Variants in SPMIP9 observed in about 807,000 individuals in gnomAD.
SPMIP9 encodes sperm microtubule inner protein 9, also known as protein SPMIP9.
chr2:88,527,860 A>G, the SPMIP9 span, among the ~76,000 whole-genome samples: 2 of 152,210 alleles, frequency 1.3e-5, no homozygotes, highest in East Asian at 1.9e-4. Context: ...CATTATGGCC[A>G]GCAGGAGACA....
the SPMIP9 span, among the ~76,000 whole-genome samples, chr2:88,527,723 A>G: frequency 1.3e-5 from 2 of 152,140 alleles, no homozygotes; most frequent in Non-Finnish European, 2.9e-5. Context: ...CCCACTCCCA[A>G]ATGCTGCATT....
the SPMIP9 span, among the ~76,000 whole-genome samples, chr2:88,526,974 A>G: frequency 1.3e-5 from 2 of 152,152 alleles, no homozygotes; most frequent in Admixed American, 6.6e-5. Flanking sequence ...CCATGTGTGT[A>G]TGTTTTCAAA....
chr2:88,525,102 C>T, the SPMIP9 span, among the ~76,000 whole-genome samples: 1 of 152,132 alleles, frequency 6.6e-6, no homozygotes, highest in African/African-American at 2.4e-5. Context: ...CCTGGGCCTT[C>T]CTCTATCCAG....
the SPMIP9 span, among the ~76,000 whole-genome samples, chr2:88,525,056 A>T: frequency 6.6e-6 from 1 of 151,926 alleles, no homozygotes; most frequent in South Asian, 2.1e-4. Flanking sequence ...CACCTTGGAT[A>T]CTCCCCTGTG....
chr2:88,525,655 T>C, the SPMIP9 span: 1 of 1,614,140 alleles, frequency 6.2e-7, no homozygotes, highest in Non-Finnish European at 8.5e-7. Context: ...ATGGCAGGTG[T>C]GAAATACCCG....
chr2:88,529,419 T>G, the SPMIP9 span: 1 of 1,614,022 alleles, frequency 6.2e-7, no homozygotes, highest in South Asian at 1.1e-5. Context: ...CATTGCCATA[T>G]AGTCAAGGTC....
At chr2:88,529,411 T>A in the SPMIP9 span, 3 of 1,614,084 alleles carry the variant, frequency 1.9e-6, no homozygotes, top group Non-Finnish European at 2.5e-6. Flanking sequence ...CCTGTCTTCA[T>A]TGCCATATAG....
chr2:88,528,924 A>G, the SPMIP9 span: 1 of 886,202 alleles, frequency 1.1e-6, no homozygotes, highest in Admixed American at 2.9e-5. Flanking sequence ...ATATGTTACC[A>G]TTCAAGGACT....
the SPMIP9 span, chr2:88,526,360 G>A: frequency 4.1e-6 from 6 of 1,449,552 alleles, no homozygotes; most frequent in East Asian, 2.3e-5. Context: ...TTAAGTGGAG[G>A]AGTGACGAGG....
At chr2:88,526,548 T>TGAAATA in the SPMIP9 span, 1 of 1,374,154 alleles carries the variant, frequency 7.3e-7, no homozygotes, top group Admixed American at 1.7e-5. Flanking sequence ...ACTGAAATCC[T>TGAAATA]CTCTGTTGCT....
At chr2:88,525,053 G>A in the SPMIP9 span, among the ~76,000 whole-genome samples, 4 of 152,158 alleles carry the variant, frequency 2.6e-5, no homozygotes, top group Admixed American at 2.6e-4. Context: ...CTTCACCTTG[G>A]ATACTCCCCT....
the SPMIP9 span, among the ~76,000 whole-genome samples, chr2:88,526,756 C>T: frequency 1.1e-4 from 16 of 152,182 alleles, no homozygotes; most frequent in South Asian, 2.9e-3. Context: ...CCTCTGCCGC[C>T]TGCCTGGATT....
chr2:88,525,294 G>A, the SPMIP9 span, among the ~76,000 whole-genome samples: 15 of 152,118 alleles, frequency 9.9e-5, no homozygotes, highest in Admixed American at 9.8e-4. Context: ...ATAAACCCAG[G>A]GCCTATTTTC....
At chr2:88,529,513 A>T in the SPMIP9 span, 4 of 1,550,126 alleles carry the variant, frequency 2.6e-6, no homozygotes, top group Non-Finnish European at 3.5e-6. Flanking sequence ...TTCCAAGGGC[A>T]TGTGGAAATC....
At chr2:88,526,443 G>C in the SPMIP9 span, 2 of 1,614,032 alleles carry the variant, frequency 1.2e-6, no homozygotes, top group Non-Finnish European at 1.7e-6. Flanking sequence ...GCTCCCACAT[G>C]GTCGACTATC....
chr2:88,528,031 T>C, the SPMIP9 span, among the ~76,000 whole-genome samples: 1 of 152,222 alleles, frequency 6.6e-6, no homozygotes, highest in Non-Finnish European at 1.5e-5. Context: ...GGAGATTTGC[T>C]ATTTTATAAA....
At chr2:88,529,046 C>T in the SPMIP9 span, 7 of 1,605,588 alleles carry the variant, frequency 4.4e-6, no homozygotes, top group Admixed American at 1.0e-4. Context: ...TGATTTGTTT[C>T]CACAGCAGGC....
chr2:88,525,966 C>G, the SPMIP9 span, among the ~76,000 whole-genome samples: 1 of 152,108 alleles, frequency 6.6e-6, no homozygotes, highest in Non-Finnish European at 1.5e-5. Context: ...TAAACCTGCT[C>G]TAGTGTACTT....
chr2:88,529,461 C>T, the SPMIP9 span: 1 of 1,611,858 alleles, frequency 6.2e-7, no homozygotes, highest in Non-Finnish European at 8.5e-7. Context: ...CCCTTGATGC[C>T]ATTTTACCAG....
Sources: gnomAD v4.1 joint callset for allele counts (sites outside exome capture counted in the v4.1 genomes callset) on GRCh38, gnomAD v4.1.1 for gene constraint, MANE v1.5 for transcripts, NCBI Gene and HGNC (gene_info 2026-07-23, HGNC 2026-07-21) for gene names.